NHSL1: variants seen among roughly 807,000 people sequenced by gnomAD.
NHSL1 encodes NHS-like protein 1.
NHSL1 carries 48 observed loss-of-function variants against 95.0 expected under a neutral mutation model. The observed-to-expected ratio is 0.51, with a 90% CI of 0.40 to 0.64. The LOEUF (loss-of-function observed/expected upper bound fraction) is 0.64. NHSL1 is among the 30% of genes least tolerant of loss of function. The pLI is 0.00. For missense variants in NHSL1, 1,971 were observed against 2,077.7 expected (o/e 0.95, Z 1.00); for synonymous variants, 783 against 833.9 (o/e 0.94, Z 1.05).
chr6:138,689,891 G>A (rs1054468099), intron 1 of NHSL1, among the ~76,000 whole-genome samples: 3 of 151,726 alleles, frequency 2.0e-5, no homozygotes, highest in African/African-American at 4.8e-5. Context: ...CAAATGATCC[G>A]CCCACCTTGG....
chr6:138,541,354 G>A (rs555326895), intron 1 of NHSL1, among the ~76,000 whole-genome samples: 29 of 152,202 alleles, frequency 1.9e-4, no homozygotes, highest in Admixed American at 1.4e-3. Context: ...GCAACAGAGC[G>A]AGACTCTGTC....
upstream of NHSL1, among the ~76,000 whole-genome samples, chr6:138,501,232 T>A (rs1370893998): frequency 6.6e-6 from 1 of 152,206 alleles, no homozygotes; most frequent in East Asian, 1.9e-4. Context: ...TGAATATAGA[T>A]TCGTTCATCA....
chr6:138,546,373 T>C (rs1351068855), upstream of NHSL1, among the ~76,000 whole-genome samples: 2 of 131,776 alleles, frequency 1.5e-5, no homozygotes, highest in Admixed American at 9.2e-5. Flanking sequence ...GGAATATCAC[T>C]TGAGCCCAGG....
intron 1 of NHSL1, among the ~76,000 whole-genome samples, chr6:138,528,438 C>T (rs1782001723): frequency 6.6e-6 from 1 of 152,156 alleles, no homozygotes; most frequent in Non-Finnish European, 1.5e-5. Flanking sequence ...TGCCAACCTA[C>T]CCTGCCTTTT....
chr6:138,648,922 G>A (rs549268445), intron 1 of NHSL1, among the ~76,000 whole-genome samples: 2 of 152,228 alleles, frequency 1.3e-5, no homozygotes, highest in African/African-American at 4.8e-5. Context: ...CTATAAAATA[G>A]CATATCTGAA....
intron 1 of NHSL1, among the ~76,000 whole-genome samples, chr6:138,620,606 A>G (rs530574693): frequency 6.6e-6 from 1 of 152,340 alleles, no homozygotes; most frequent in South Asian, 2.1e-4. Flanking sequence ...TAATGGAAAA[A>G]ATGGAAATTG....
chr6:138,474,052 G>A (rs1778917751), intron 2 of NHSL1, among the ~76,000 whole-genome samples: 1 of 152,174 alleles, frequency 6.6e-6, no homozygotes, highest in Admixed American at 6.5e-5. Flanking sequence ...GGAATGCGTG[G>A]CACCACTATG....
chr6:138,534,131 C>A (rs1782243631), intron 1 of NHSL1, among the ~76,000 whole-genome samples: 1 of 152,136 alleles, frequency 6.6e-6, no homozygotes, highest in African/African-American at 2.4e-5. Context: ...GAAAGTAGTA[C>A]AATCTACTTT....
chr6:138,434,325 T>C (rs75256588), intron 5 of NHSL1, among the ~76,000 whole-genome samples: 1,970 of 152,046 alleles, frequency 0.013, 37 homozygotes, highest in African/African-American at 0.045. Context: ...TTGGGGAAAC[T>C]GGCAGGAACT....
upstream of NHSL1, among the ~76,000 whole-genome samples, chr6:138,503,271 T>C (rs1333064224): frequency 6.6e-6 from 1 of 152,162 alleles, no homozygotes; most frequent in African/African-American, 2.4e-5. Context: ...TGATGGCTCC[T>C]TCTCCGAATT....
chr6:138,484,067 G>A (rs1330359128), intron 2 of NHSL1, among the ~76,000 whole-genome samples: 1 of 152,224 alleles, frequency 6.6e-6, no homozygotes, highest in Admixed American at 6.5e-5. Context: ...AGGTGGAACA[G>A]AATGAATAAG....
chr6:138,484,433 T>C (rs1779604359), intron 2 of NHSL1, among the ~76,000 whole-genome samples: 1 of 152,174 alleles, frequency 6.6e-6, no homozygotes, highest in Non-Finnish European at 1.5e-5. Flanking sequence ...ATTTACAATG[T>C]AAATATACAA....
At chr6:138,682,078 T>C (rs925519651) in intron 1 of NHSL1, among the ~76,000 whole-genome samples, 1 of 151,570 alleles carries the variant, frequency 6.6e-6, no homozygotes, top group Non-Finnish European at 1.5e-5. Context: ...ACCTCCCAGG[T>C]TCAAGCAATA....
chr6:138,691,897 A>C (rs757526519), intron 1 of NHSL1: 1 of 456,722 alleles, frequency 2.2e-6, no homozygotes, highest in South Asian at 1.5e-5. Context: ...GTCTGGGAGA[A>C]GAAAGAAAAT....
chr6:138,455,348 G>T (rs1186138057), intron 3 of NHSL1, among the ~76,000 whole-genome samples: 2 of 152,156 alleles, frequency 1.3e-5, no homozygotes, highest in Non-Finnish European at 2.9e-5. Context: ...TACCAGACAA[G>T]TCAAAGAGGA....
chr6:138,579,860 C>T (rs1784026414), intron 1 of NHSL1, among the ~76,000 whole-genome samples: 7 of 152,164 alleles, frequency 4.6e-5, no homozygotes, highest in Admixed American at 4.6e-4. Context: ...CTCACTATGG[C>T]TCTATAGTGC....
intron 3 of NHSL1, among the ~76,000 whole-genome samples, chr6:138,449,831 G>A (rs1243203162): frequency 1.3e-5 from 2 of 152,058 alleles, no homozygotes; most frequent in African/African-American, 2.4e-5. Context: ...CATATAATTA[G>A]ATATCTCAAT....
At chr6:138,428,635 G>A (rs1243358990) in intron 7 of NHSL1, among the ~76,000 whole-genome samples, 2 of 152,192 alleles carry the variant, frequency 1.3e-5, no homozygotes, top group Admixed American at 6.5e-5. Flanking sequence ...ATGTTAATGT[G>A]TTGCATGAAG....
upstream of NHSL1, among the ~76,000 whole-genome samples, chr6:138,692,794 C>G (rs1785700502): frequency 6.6e-6 from 1 of 150,736 alleles, no homozygotes; most frequent in Non-Finnish European, 1.5e-5. The surrounding 1 kb of genome is among the most constrained non-coding windows in gnomAD (Gnocchi z 4.0). Flanking sequence ...CGCGGGATCC[C>G]TCAGTCTGCC....
Sources: gnomAD v4.1 joint callset for allele counts (sites outside exome capture counted in the v4.1 genomes callset) on GRCh38, gnomAD v4.1.1 for gene constraint, Gnocchi (gnomAD v3.1) non-coding constraint, MANE v1.5 for transcripts, NCBI Gene and HGNC (gene_info 2026-07-23, HGNC 2026-07-21) for gene names.